The following LEPR variants were observed in gnomAD, a reference collection of about 807,000 sequenced individuals.
LEPR encodes the protein leptin receptor.
In LEPR, 56 loss-of-function variants were observed where a neutral mutation model predicts 114.7. The ratio of observed to expected loss-of-function variants is 0.49; its 90% CI spans 0.39 to 0.61. The LOEUF (loss-of-function observed/expected upper bound fraction) is 0.61, where lower values mean the gene tolerates loss of function less well. LEPR is among the 20% of genes least tolerant of loss of function. The pLI, the probability that LEPR is intolerant of heterozygous loss-of-function variation, is 0.00. For synonymous variants in LEPR, 443 were observed against 461.4 expected, an observed-to-expected ratio of 0.96 and a Z score of 0.51; for missense variants, 1,202 against 1,352.9, an observed-to-expected ratio of 0.89 and a Z score of 1.75.
At position 65,640,639 on chromosome 1, in the gene LEPR, C is replaced by T. The variant is rs1044411027; in HGVS notation, c.*3624C>T. On this transcript the variant is annotated 3_prime_UTR_variant, in exon 20 of 20. Transcript: ENST00000349533. ...ACCTGCATCTAATCACAATGTTAGG[C>T]GAACAACTTAAAACATGATCAGCCT... 4 of 152,010 alleles carry T rather than the reference C, an allele frequency of 2.6e-5. No homozygotes were observed. The highest frequency in any genetic ancestry group is 9.7e-5 in the African/African-American group (4 of 41,382). The allele number at this position is 152,010 out of a possible 1,614,324, so 9.4% of individuals were successfully genotyped here. A position where few individuals can be genotyped will look rare whatever the true frequency, so the allele number is the denominator to read the frequency against.
At chr1:65,544,968 C>T (rs201922634) in intron 2 of LEPR, among the ~76,000 whole-genome samples, 1 of 147,744 alleles carries the variant, frequency 6.8e-6, no homozygotes, top group African/African-American at 2.5e-5. Flanking sequence ...CCCCCCACCC[C>T]ACAACAGTCC....
At chr1:65,526,255 G>A (rs902492739) in intron 2 of LEPR, 1 of 985,460 alleles carries the variant, frequency 1.0e-6, no homozygotes, top group South Asian at 4.7e-5. Context: ...TAATTGTTCT[G>A]TAGGGATGGT....
intron 2 of LEPR, among the ~76,000 whole-genome samples, chr1:65,459,123 AT>A (rs1024956918): frequency 6.6e-6 from 1 of 152,016 alleles, no homozygotes; most frequent in Non-Finnish European, 1.5e-5. Flanking sequence ...GTGTAGAAAG[AT>A]TTTTTTTGTT....
intron 2 of LEPR, among the ~76,000 whole-genome samples, chr1:65,457,885 C>T (rs1418745443): frequency 1.3e-5 from 2 of 152,150 alleles, no homozygotes; most frequent in Non-Finnish European, 2.9e-5. Flanking sequence ...TATATTTGTA[C>T]CCAATATGAA....
chr1:65,538,082 T>A (rs12138493), intron 2 of LEPR, among the ~76,000 whole-genome samples: 9,669 of 152,220 alleles, frequency 0.064, 500 homozygotes, highest in South Asian at 0.27. Flanking sequence ...TTTTTCTTAT[T>A]GGGAAAGCAT....
At chr1:65,511,437 C>T (rs1175982259) in intron 2 of LEPR, among the ~76,000 whole-genome samples, 1 of 68,864 alleles carries the variant, frequency 1.5e-5, no homozygotes, top group Non-Finnish European at 2.6e-5. Flanking sequence ...TATACACACA[C>T]ACACACACAC....
chr1:65,590,061 C>T (rs1371835945), intron 5 of LEPR, among the ~76,000 whole-genome samples: 1 of 151,872 alleles, frequency 6.6e-6, no homozygotes, highest in Non-Finnish European at 1.5e-5. Flanking sequence ...AAGCACAGTA[C>T]ATCTCTCATT....
intron 5 of LEPR, among the ~76,000 whole-genome samples, chr1:65,589,912 C>G (rs1037783264): frequency 6.6e-6 from 1 of 151,960 alleles, no homozygotes; most frequent in Non-Finnish European, 1.5e-5. Flanking sequence ...AGATTCTTTG[C>G]ATTTCCATAT....
At chr1:65,435,453 C>T (rs1326950005) in intron 2 of LEPR, 9 of 522,992 alleles carry the variant, frequency 1.7e-5, no homozygotes, top group African/African-American at 4.2e-5. Context: ...CTGCAAGCTC[C>T]GCCTCCCGGG....
intron 2 of LEPR, among the ~76,000 whole-genome samples, chr1:65,518,881 CTT>C (rs1327068029): frequency 1.3e-5 from 1 of 78,408 alleles, no homozygotes; most frequent in African/African-American, 4.6e-5. Flanking sequence ...CTTTTTCTTT[CTT>C]TCTTTCTTTC....
Position 65,622,987 on chromosome 1 carries a change from T to C in LEPR, c.2673+6T>C, listed in dbSNP as rs747777888. 1.2e-6 allele frequency: 2 copies of C among 1,613,412 alleles called. No individual in the cohort carries two copies. The highest frequency in any genetic ancestry group is 1.1e-5 in the South Asian group (1 of 90,982). ...AAGGACTTAATTTTCAGAAGGTTGC[T>C]TTTTCAATTTTTTTTAACCCAGAAT... On this transcript the variant is annotated splice_donor_region_variant and intron_variant, in intron 19 of 19. Coordinates refer to ENST00000349533, the MANE Select transcript of LEPR (RefSeq NM_002303.6).
intron 2 of LEPR, among the ~76,000 whole-genome samples, chr1:65,472,613 T>C (rs867273451): frequency 1.4e-3 from 127 of 93,560 alleles, no homozygotes; most frequent in South Asian, 5.1e-3. Context: ...TGTATATATA[T>C]AGACACACAC....
intron 2 of LEPR, among the ~76,000 whole-genome samples, chr1:65,480,220 C>T (rs1647205851): frequency 6.6e-6 from 1 of 151,512 alleles, no homozygotes. Flanking sequence ...AAAACAATTC[C>T]TATGGTAGAA....
At chr1:65,468,228 G>C (rs981517843) in intron 2 of LEPR, among the ~76,000 whole-genome samples, 5 of 152,198 alleles carry the variant, frequency 3.3e-5, no homozygotes, top group Non-Finnish European at 5.9e-5. Context: ...GAGACATGCT[G>C]ACTCAATGTA....
At position 65,616,134 on chromosome 1, in the gene LEPR, C is replaced by G. The variant is rs779217804; in HGVS notation, c.2122C>G (p.Gln708Glu). Residue 708 changes from glutamine to glutamate, a missense_variant, in exon 15 of 20, where the codon CAA becomes GAA. Gln to Glu is a conservative substitution (Grantham distance 29). Transcript: ENST00000349533. ...HTKFTFLWTE[Q>E]AHTVTVLAIN... is the part of the protein sequence containing the mutation. ...GAAATTCACTTTCCTGTGGACAGAG[C>G]AAGCACATACTGTTACGGTTCTGGC... The G allele has an allele frequency of 4.3e-6, 7 of 1,614,188 alleles. No homozygotes were observed. Among genetic ancestry groups the G allele is most frequent in the African/African-American group, 1.3e-5 (1 of 75,052 alleles).
chr1:65,548,250 G>C (rs1166436536), intron 2 of LEPR, among the ~76,000 whole-genome samples: 1 of 152,080 alleles, frequency 6.6e-6, no homozygotes, highest in East Asian at 1.9e-4. Context: ...TTTTGGAATA[G>C]GTGTGGTGTG....
At chr1:65,456,304 T>TC (rs755194655) in intron 2 of LEPR, among the ~76,000 whole-genome samples, 101 of 152,072 alleles carry the variant, frequency 6.6e-4, no homozygotes, top group Non-Finnish European at 1.3e-3. Context: ...TCTTGGCTCC[T>TC]CCCCCCATAG....
chr1:65,627,265 C>G (rs1557704977), intron 19 of LEPR, among the ~76,000 whole-genome samples: 1 of 152,052 alleles, frequency 6.6e-6, no homozygotes, highest in Non-Finnish European at 1.5e-5. Context: ...AAAAATAGTT[C>G]AAATGGTAAA....
At chr1:65,429,872 C>T (rs750265116) in intron 2 of LEPR, 1 of 1,498,204 alleles carries the variant, frequency 6.7e-7, no homozygotes, top group Non-Finnish European at 9.0e-7. Flanking sequence ...CGTTTACTGG[C>T]CCTTATTCGT....
Sources: allele counts gnomAD v4.1 joint callset (sites outside exome capture counted in the v4.1 genomes callset), GRCh38; gene constraint gnomAD v4.1.1; transcripts MANE v1.5; gene names NCBI Gene and HGNC (gene_info 2026-07-23, HGNC 2026-07-21).